SSBP2: variants seen among roughly 807,000 people sequenced by gnomAD.
SSBP2 encodes single-stranded DNA-binding protein 2.
Under a neutral mutation model 61.8 loss-of-function variants are expected in SSBP2, and 17 were observed. The ratio of observed to expected loss-of-function variants is 0.28; its 90% CI spans 0.19 to 0.41. SSBP2 has a LOEUF of 0.41. Among genes scored for constraint, SSBP2 ranks in the 10% least tolerant of loss-of-function variants. The pLI is 1.00. For missense variants in SSBP2, 310 were observed against 458.7 expected (o/e 0.68, Z 2.96); for synonymous variants, 139 against 141.3 (o/e 0.98, Z 0.12).
chr5:81,481,088 C>T (rs1041986129), intron 6 of SSBP2, among the ~76,000 whole-genome samples: 4 of 152,200 alleles, frequency 2.6e-5, no homozygotes, highest in Non-Finnish European at 4.4e-5. Flanking sequence ...TTCACGACAT[C>T]TGTAGTGACT....
At chr5:81,664,035 A>G (rs1393808389) in intron 1 of SSBP2, among the ~76,000 whole-genome samples, 1 of 151,978 alleles carries the variant, frequency 6.6e-6, no homozygotes, top group Non-Finnish European at 1.5e-5. Flanking sequence ...GCTCTTCCTA[A>G]TTTCTCTTGA....
At chr5:81,609,440 T>A (rs76507049) in intron 4 of SSBP2, among the ~76,000 whole-genome samples, 1 of 152,256 alleles carries the variant, frequency 6.6e-6, no homozygotes, top group Non-Finnish European at 1.5e-5. Flanking sequence ...ATTACACTCA[T>A]AGCAGTTAAC....
chr5:81,483,018 G>A (rs995939834), intron 6 of SSBP2, among the ~76,000 whole-genome samples: 7 of 152,184 alleles, frequency 4.6e-5, no homozygotes, highest in Non-Finnish European at 7.3e-5. Context: ...GAATAGGGAA[G>A]TCAAGGAGAG....
At chr5:81,697,552 C>A (rs543649882) in intron 1 of SSBP2, among the ~76,000 whole-genome samples, 23 of 152,220 alleles carry the variant, frequency 1.5e-4, no homozygotes, top group Non-Finnish European at 2.9e-5. Flanking sequence ...AAAAATAAAA[C>A]CACTGTTTCA....
rs573042101 is a variant in SSBP2 at position 81,413,754 on chromosome 5, A to T, written c.*6750T>A. On this transcript the variant is annotated 3_prime_UTR_variant, in exon 17 of 17. Transcript: ENST00000320672. Reference sequence around the variant, plus strand: ...TTTCAATCAGTAGTTTATATTAAGAAGATTTCTAAGATGGTGCTAAATTTA... The same window carrying T: ...TTTCAATCAGTAGTTTATATTAAGATGATTTCTAAGATGGTGCTAAATTTA... 5 of 151,980 alleles carry T rather than the reference A, an allele frequency of 3.3e-5. No homozygotes were observed. The highest frequency in any genetic ancestry group is 3.8e-4 in the East Asian group (2 of 5,196). The allele number at this position is 151,980 out of a possible 1,614,324, so 9.4% of individuals were successfully genotyped here. A position where few individuals can be genotyped will look rare whatever the true frequency, so the allele number is the denominator to read the frequency against.
Position 81,419,866 on chromosome 5 carries a change from A to G in SSBP2, c.*638T>C, listed in dbSNP as rs1250006012. 1.3e-5 allele frequency: 2 copies of G among 152,262 alleles called. No individual in the cohort carries two copies. Among genetic ancestry groups the G allele is most frequent in the Non-Finnish European group, 1.5e-5 (1 of 68,048 alleles). The allele number at this position is 152,262 out of a possible 1,614,324, so 9.4% of individuals were successfully genotyped here. ...TTTGATTCAACATAAAGACGAAGAC[A>G]CATTTTCTTCTATTTTTTGAGACAG... On this transcript the variant is annotated 3_prime_UTR_variant, in exon 17 of 17. Coordinates refer to ENST00000320672, the MANE Select transcript of SSBP2 (RefSeq NM_012446.5).
At chr5:81,604,462 G>A (rs2153568139) in intron 4 of SSBP2, among the ~76,000 whole-genome samples, 1 of 152,094 alleles carries the variant, frequency 6.6e-6, no homozygotes, top group East Asian at 1.9e-4. Context: ...GAAAACCCAT[G>A]AGAAAATCAA....
At chr5:81,527,297 A>T (rs1037834990) in intron 4 of SSBP2, among the ~76,000 whole-genome samples, 2 of 152,092 alleles carry the variant, frequency 1.3e-5, no homozygotes, top group Admixed American at 6.6e-5. Context: ...CTGGAACAGC[A>T]CAAGTGAAAA....
chr5:81,668,669 G>A (rs1024425912), intron 1 of SSBP2, among the ~76,000 whole-genome samples: 2 of 151,630 alleles, frequency 1.3e-5, no homozygotes, highest in Non-Finnish European at 2.9e-5. Context: ...CCAGACAATA[G>A]GTAAATAAAG....
At position 81,418,462 on chromosome 5, in the gene SSBP2, A is replaced by T. The variant is rs1761413719; in HGVS notation, c.*2042T>A. On this transcript the variant is annotated 3_prime_UTR_variant, in exon 17 of 17. Coordinates refer to ENST00000320672, the MANE Select transcript of SSBP2 (RefSeq NM_012446.5). ...CACAGGCAAAATCTTTATTTTTACA[A>T]GGACTAAATCATTATGAATTTGAGA... 1 of 152,230 alleles carries T rather than the reference A, an allele frequency of 6.6e-6. No homozygotes were observed. The highest frequency in any genetic ancestry group is 2.4e-5 in the African/African-American group (1 of 41,458). The allele number at this position is 152,230 out of a possible 1,614,324, so 9.4% of individuals were successfully genotyped here.
chr5:81,517,533 T>A (rs1323989004), intron 4 of SSBP2, among the ~76,000 whole-genome samples: 1 of 152,032 alleles, frequency 6.6e-6, no homozygotes, highest in Non-Finnish European at 1.5e-5. Context: ...CAAGGAAATA[T>A]TAAAATGAAC....
intron 1 of SSBP2, among the ~76,000 whole-genome samples, chr5:81,741,974 G>A (rs1335240936): frequency 6.6e-6 from 1 of 152,098 alleles, no homozygotes; most frequent in African/African-American, 2.4e-5. Context: ...GGCAGCTGTA[G>A]CATAATGAAA....
rs143544723 is a variant in SSBP2, at chr5:81,583,351, T to A, written c.282+32122A>T. On this transcript the variant is annotated intron_variant, in intron 4 of 16. Coordinates refer to ENST00000320672, the MANE Select transcript of SSBP2 (RefSeq NM_012446.5). Reference sequence around the variant, plus strand: ...CATTTTCAAGAGTAGCCATTGAGGCTGGGCGCAGTGGCTCACGCTTGTAAT... The same window carrying A: ...CATTTTCAAGAGTAGCCATTGAGGCAGGGCGCAGTGGCTCACGCTTGTAAT... 6.6e-3 allele frequency among the ~76,000 whole-genome samples: 1,005 copies of A among 151,818 alleles called. 14 individuals are homozygous for A. Among genetic ancestry groups the A allele is most frequent in the African/African-American group, 0.023 (942 of 41,406 alleles).
At chr5:81,582,759 A>G (rs1233446743) in intron 4 of SSBP2, among the ~76,000 whole-genome samples, 2 of 152,024 alleles carry the variant, frequency 1.3e-5, no homozygotes, top group African/African-American at 4.8e-5. Context: ...ATGCTCAGCT[A>G]ATTTTTGTAT....
intron 4 of SSBP2, among the ~76,000 whole-genome samples, chr5:81,609,849 A>G (rs1284566274): frequency 6.6e-6 from 1 of 152,054 alleles, no homozygotes; most frequent in African/African-American, 2.4e-5. Flanking sequence ...CATACTCACA[A>G]ACCAATCAGA....
chr5:81,744,755 C>T lies in SSBP2; in HGVS notation c.62+6226G>A, dbSNP rs115119216. 7.0e-3 allele frequency among the ~76,000 whole-genome samples: 1,061 copies of T among 152,176 alleles called. 13 individuals are homozygous for T. Among genetic ancestry groups the T allele is most frequent in the African/African-American group, 0.024 (1,000 of 41,546 alleles). On this transcript the variant is annotated intron_variant, in intron 1 of 16. Transcript: ENST00000320672. Reference sequence around the variant, plus strand: ...GCCAGGTCATTCGTTTACACTCACTCTAGCTGAACTGTGATTTAAAATGTT... The same window carrying T: ...GCCAGGTCATTCGTTTACACTCACTTTAGCTGAACTGTGATTTAAAATGTT...
intron 1 of SSBP2, among the ~76,000 whole-genome samples, chr5:81,749,436 G>A (rs1202881588): frequency 2.6e-5 from 4 of 152,150 alleles, no homozygotes; most frequent in East Asian, 1.9e-4. Flanking sequence ...ACTTTCAGGG[G>A]GAGACTAACT....
chr5:81,445,308 T>A (rs2153969209), intron 12 of SSBP2, among the ~76,000 whole-genome samples: 1 of 150,638 alleles, frequency 6.6e-6, no homozygotes, highest in African/African-American at 2.4e-5. Context: ...TGACACAGGA[T>A]GAACACATAA....
intron 4 of SSBP2, among the ~76,000 whole-genome samples, chr5:81,570,574 G>A (rs1350605389): frequency 6.6e-6 from 1 of 152,182 alleles, no homozygotes; most frequent in Non-Finnish European, 1.5e-5. Context: ...TTCAAGGTAA[G>A]CACATCATTC....
Sources: allele counts gnomAD v4.1 joint callset (sites outside exome capture counted in the v4.1 genomes callset), GRCh38; gene constraint gnomAD v4.1.1; transcripts MANE v1.5; gene names NCBI Gene and HGNC (gene_info 2026-07-23, HGNC 2026-07-21).